The following RSPO2 variants were observed in gnomAD, a reference collection of about 807,000 sequenced individuals.
RSPO2 encodes the protein R-spondin-2.
In RSPO2, 14 loss-of-function variants were observed where a neutral mutation model predicts 30.9. The ratio of observed to expected loss-of-function variants is 0.45; its 90% CI spans 0.30 to 0.71. The LOEUF is 0.71. RSPO2 is among the 30% of genes least tolerant of loss of function. The pLI is 0.08. For missense variants in RSPO2, 264 were observed against 301.9 expected, an observed-to-expected ratio of 0.87 and a Z score of 0.93; for synonymous variants, 107 against 96.4, an observed-to-expected ratio of 1.11 and a Z score of -0.64.
At chr8:107,947,094 C>T (rs1269264416) in intron 5 of RSPO2, among the ~76,000 whole-genome samples, 1 of 152,246 alleles carries the variant, frequency 6.6e-6, no homozygotes, top group Non-Finnish European at 1.5e-5. Context: ...CTCCTGAACA[C>T]AGCATTTAAC....
At chr8:108,031,876 A>G (rs560111870) in intron 2 of RSPO2, among the ~76,000 whole-genome samples, 2 of 152,110 alleles carry the variant, frequency 1.3e-5, no homozygotes, top group South Asian at 4.1e-4. Context: ...AAAGGAATAG[A>G]ATAGGATTGA....
chr8:108,081,460 A>G (rs1053824189), intron 2 of RSPO2, among the ~76,000 whole-genome samples: 2 of 152,224 alleles, frequency 1.3e-5, no homozygotes, highest in African/African-American at 4.8e-5. Context: ...GCAAAAGTCC[A>G]AAGTGCCGAA....
intron 2 of RSPO2, among the ~76,000 whole-genome samples, chr8:108,033,166 G>C (rs1008832858): frequency 6.6e-6 from 1 of 151,222 alleles, no homozygotes; most frequent in African/African-American, 2.4e-5. Context: ...CACTCAAAGT[G>C]TGGATATTAC....
At chr8:108,033,729 A>C (rs1811504183) in intron 2 of RSPO2, among the ~76,000 whole-genome samples, 2 of 152,218 alleles carry the variant, frequency 1.3e-5, no homozygotes, top group African/African-American at 4.8e-5. Context: ...ATTTACTTGT[A>C]TACTGTGTTT....
chr8:107,974,327 AAAAAAAAAAAG>A (rs1387112785), intron 3 of RSPO2, among the ~76,000 whole-genome samples: 1 of 151,696 alleles, frequency 6.6e-6, no homozygotes, highest in African/African-American at 2.4e-5. Context: ...TCTCTACAAA[AAAAAAAAAAAG>A]AAAAAAAGAA....
intron 5 of RSPO2, among the ~76,000 whole-genome samples, chr8:107,918,828 TA>T (rs748717122): frequency 5.9e-5 from 9 of 152,124 alleles, no homozygotes; most frequent in Non-Finnish European, 1.3e-4. Context: ...TTGTTTTTAA[TA>T]GAAAATGGGG....
intron 2 of RSPO2, among the ~76,000 whole-genome samples, chr8:108,053,938 C>T (rs773688115): frequency 3.0e-4 from 45 of 152,132 alleles, no homozygotes; most frequent in Non-Finnish European, 5.4e-4. Flanking sequence ...ACTCAAGTCC[C>T]CATTTTCTTG....
chr8:107,921,170 A>T (rs922425993), intron 5 of RSPO2, among the ~76,000 whole-genome samples: 1 of 152,010 alleles, frequency 6.6e-6, no homozygotes, highest in Admixed American at 6.6e-5. Flanking sequence ...TACAGCTATT[A>T]ATGTTGTCTG....
chr8:107,974,217 C>T (rs1335086985), intron 3 of RSPO2, among the ~76,000 whole-genome samples: 7 of 151,342 alleles, frequency 4.6e-5, no homozygotes, highest in African/African-American at 1.2e-4. Flanking sequence ...TCAGGTGCAG[C>T]GGCTTATGCC....
intron 3 of RSPO2, among the ~76,000 whole-genome samples, chr8:107,985,479 G>A (rs773214857): frequency 2.0e-5 from 3 of 152,100 alleles, no homozygotes; most frequent in Middle Eastern, 3.2e-3. Flanking sequence ...ATGAAAATAT[G>A]TTCATAATTC....
intron 5 of RSPO2, among the ~76,000 whole-genome samples, chr8:107,936,014 C>A (rs2130360071): frequency 6.6e-6 from 1 of 152,242 alleles, no homozygotes; most frequent in Non-Finnish European, 1.5e-5. Flanking sequence ...ACTATAGCCA[C>A]CCTACTCTGC....
rs569987916 is a variant in RSPO2 at position 108,034,952 on chromosome 8, G to A, written c.95-45708C>T. Reference sequence around the variant, plus strand: ...AACTGTTTTCCCTAAATACTGTTTTGCTTTCCATCCTATCATAACACATAA... The same window carrying A: ...AACTGTTTTCCCTAAATACTGTTTTACTTTCCATCCTATCATAACACATAA... On this transcript the variant is annotated intron_variant, in intron 2 of 5. Transcript: ENST00000276659. Among the ~76,000 whole-genome samples, 57 of 152,272 alleles carry A rather than the reference G, an allele frequency of 3.7e-4. 1 individual carries two copies. The highest frequency in any genetic ancestry group is 1.3e-3 in the African/African-American group (53 of 41,550).
chr8:108,063,416 G>C (rs1033477583), intron 2 of RSPO2, among the ~76,000 whole-genome samples: 1 of 151,800 alleles, frequency 6.6e-6, no homozygotes, highest in Admixed American at 6.6e-5. Context: ...AATCATGAGT[G>C]AACTCCCATT....
At chr8:108,071,283 A>G (rs1041151630) in intron 2 of RSPO2, among the ~76,000 whole-genome samples, 5 of 152,306 alleles carry the variant, frequency 3.3e-5, no homozygotes, top group Non-Finnish European at 7.4e-5. Context: ...AAATGAGGGG[A>G]AAAAAGAACT....
intron 2 of RSPO2, among the ~76,000 whole-genome samples, chr8:108,063,849 G>T (rs1019737401): frequency 1.3e-5 from 2 of 152,136 alleles, no homozygotes; most frequent in Non-Finnish European, 2.9e-5. Flanking sequence ...CAATGGAACA[G>T]AACAGAGCCC....
chr8:107,916,196 G>A (rs1247971814), intron 5 of RSPO2, among the ~76,000 whole-genome samples: 1 of 152,162 alleles, frequency 6.6e-6, no homozygotes, highest in Non-Finnish European at 1.5e-5. Flanking sequence ...ACTTCAAAAT[G>A]TAGACATTTG....
intron 2 of RSPO2, among the ~76,000 whole-genome samples, chr8:108,065,264 A>C (rs938326148): frequency 6.7e-6 from 1 of 148,552 alleles, no homozygotes; most frequent in African/African-American, 2.5e-5. Context: ...AAACCTGTAC[A>C]TTCTGCACAT....
chr8:107,975,560 C>T lies in RSPO2; in HGVS notation c.283+13496G>A, dbSNP rs74984849. ...ATAAGTGTTTATAAGTAGTAAGCCA[C>T]GACATAGTATCTGGCACAAAAGAGC... On this transcript the variant is annotated intron_variant, in intron 3 of 5. Coordinates refer to ENST00000276659, the MANE Select transcript of RSPO2 (RefSeq NM_178565.5). Among the ~76,000 whole-genome samples the T allele has an allele frequency of 9.3e-3, 1,421 of 152,302 alleles. 20 individuals are homozygous for T. Among genetic ancestry groups the T allele is most frequent in the African/African-American group, 0.031 (1,270 of 41,570 alleles).
intron 5 of RSPO2, among the ~76,000 whole-genome samples, chr8:107,954,290 T>G (rs1236338043): frequency 6.6e-6 from 1 of 152,212 alleles, no homozygotes; most frequent in Non-Finnish European, 1.5e-5. Flanking sequence ...ACAAATTTGT[T>G]CTTCCATGTG....
Sources: gnomAD v4.1 joint callset for allele counts (sites outside exome capture counted in the v4.1 genomes callset) on GRCh38, gnomAD v4.1.1 for gene constraint, MANE v1.5 for transcripts, NCBI Gene and HGNC (gene_info 2026-07-23, HGNC 2026-07-21) for gene names.